Variants in RNF115 observed in about 807,000 individuals in gnomAD.
The protein encoded by RNF115 is ring finger protein 115, also known as E3 ubiquitin-protein ligase RNF115.
Under a neutral mutation model 39.2 loss-of-function variants are expected in RNF115, and 31 were observed. The observed-to-expected ratio is 0.79, with a 90% CI of 0.59 to 1.07. The LOEUF (loss-of-function observed/expected upper bound fraction) is 1.07. Ranked by LOEUF, RNF115 falls within the 50% of genes least tolerant of loss-of-function variation. The probability of loss-of-function intolerance (pLI) is 0.00; values close to 1 mark genes in which losing one functional copy is unlikely to be tolerated. For missense variants in RNF115, 384 were observed against 381.7 expected (o/e 1.01, Z -0.05); for synonymous variants, 124 against 131.0 (o/e 0.95, Z 0.37).
chr1:145,768,361 G>C (rs1289174219), intron 4 of RNF115, among the ~76,000 whole-genome samples: 2 of 152,226 alleles, frequency 1.3e-5, no homozygotes, highest in African/African-American at 4.8e-5. Context: ...TGTCGCCCAG[G>C]CTGGAGTACA....
At chr1:145,811,991 G>C (rs1483476696) in intron 1 of RNF115, among the ~76,000 whole-genome samples, 2 of 135,194 alleles carry the variant, frequency 1.5e-5, no homozygotes, top group Admixed American at 7.8e-5. Flanking sequence ...TTTCACTAAA[G>C]AGAGTATTTC....
intron 6 of RNF115, among the ~76,000 whole-genome samples, chr1:145,751,028 G>A (rs1553712402): frequency 6.6e-6 from 1 of 152,110 alleles, no homozygotes; most frequent in African/African-American, 2.4e-5. Context: ...AATTATACAT[G>A]GCATGGGAAT....
At chr1:145,767,229 G>A (rs1287408348) in intron 4 of RNF115, among the ~76,000 whole-genome samples, 4 of 148,824 alleles carry the variant, frequency 2.7e-5, no homozygotes, top group East Asian at 2.0e-4. Flanking sequence ...GGTGGCTGCC[G>A]GGCGGAGGGG....
At chr1:145,764,027 C>A (rs1658642603) in intron 4 of RNF115, among the ~76,000 whole-genome samples, 1 of 152,126 alleles carries the variant, frequency 6.6e-6, no homozygotes, top group Admixed American at 6.5e-5. Flanking sequence ...GATTCTCCTG[C>A]CTCAGCCTGC....
rs781789584 is a variant in RNF115, at chr1:145,744,302, T to A, written c.*2564A>T. On this transcript the variant is annotated 3_prime_UTR_variant, in exon 9 of 9. Coordinates refer to ENST00000582693, the MANE Select transcript of RNF115 (RefSeq NM_014455.4). ...CTAAGTAGTGGCCAAATATTCATAA[T>A]ACACCTCTAATTTCCTTCCATCCTC... is the stretch of plus-strand genomic sequence containing the variant. 6.6e-6 allele frequency: 1 copy of A among 152,318 alleles called. No homozygotes were observed. The highest frequency in any genetic ancestry group is 1.5e-5 in the Non-Finnish European group (1 of 68,054). 9.4% of individuals were successfully genotyped at this position (152,318 alleles called of 1,614,324 possible).
At chr1:145,761,218 AT>A in intron 4 of RNF115, among the ~76,000 whole-genome samples, 1 of 152,344 alleles carries the variant, frequency 6.6e-6, no homozygotes, top group South Asian at 2.1e-4. Context: ...AGAAAAACCC[AT>A]TTTTTGAGGG....
chr1:145,786,139 A>T (rs995516163), intron 2 of RNF115, among the ~76,000 whole-genome samples: 1 of 152,202 alleles, frequency 6.6e-6, no homozygotes, highest in Admixed American at 6.5e-5. Context: ...AAATTCCTTT[A>T]AAGAATAATA....
intron 2 of RNF115, among the ~76,000 whole-genome samples, chr1:145,785,740 C>G (rs1004189816): frequency 6.6e-6 from 1 of 152,188 alleles, no homozygotes; most frequent in Non-Finnish European, 1.5e-5. Flanking sequence ...CCTAGTTAGT[C>G]TGAAACCAAA....
intron 3 of RNF115, among the ~76,000 whole-genome samples, chr1:145,775,217 T>C (rs1647827320): frequency 1.3e-5 from 2 of 152,190 alleles, no homozygotes; most frequent in African/African-American, 2.4e-5. Flanking sequence ...CAGTGAGCTA[T>C]ACAGAACCCT....
intron 1 of RNF115, among the ~76,000 whole-genome samples, chr1:145,816,121 A>G (rs1248642889): frequency 9.8e-5 from 3 of 30,676 alleles, no homozygotes; most frequent in Non-Finnish European, 1.5e-4. Flanking sequence ...GTGCAATGGC[A>G]CGATCTCAGC....
At chr1:145,776,490 A>G (rs964496407) in intron 3 of RNF115, among the ~76,000 whole-genome samples, 1 of 152,050 alleles carries the variant, frequency 6.6e-6, no homozygotes, top group South Asian at 2.1e-4. Flanking sequence ...AAAGTTTTAA[A>G]AATTCTAATA....
At chr1:145,803,022 C>G (rs1015801918) in intron 1 of RNF115, among the ~76,000 whole-genome samples, 4 of 152,196 alleles carry the variant, frequency 2.6e-5, no homozygotes, top group Non-Finnish European at 5.9e-5. Context: ...TCCTCAAGGT[C>G]TCTGTGAAAA....
At chr1:145,764,975 A>G (rs1259100743) in intron 4 of RNF115, among the ~76,000 whole-genome samples, 6 of 152,248 alleles carry the variant, frequency 3.9e-5, no homozygotes, top group Non-Finnish European at 7.3e-5. Context: ...TTTGTGGAAC[A>G]GAGAAGGGGG....
At chr1:145,797,527 T>C (rs587717375) in intron 1 of RNF115, among the ~76,000 whole-genome samples, 45 of 152,250 alleles carry the variant, frequency 3.0e-4, no homozygotes, top group Non-Finnish European at 5.0e-4. Context: ...ATTGTGTGTA[T>C]ATACCATATT....
chr1:145,798,366 C>T (rs1288520252), intron 1 of RNF115, among the ~76,000 whole-genome samples: 1 of 151,988 alleles, frequency 6.6e-6, no homozygotes, highest in South Asian at 2.1e-4. Flanking sequence ...AAATATGAGT[C>T]CAAATTTTTG....
chr1:145,801,530 T>C (rs72704203), intron 1 of RNF115, among the ~76,000 whole-genome samples: 1,603 of 151,718 alleles, frequency 0.011, 17 homozygotes, highest in Non-Finnish European at 0.018. Context: ...TGAGACTCCA[T>C]GTCAAAAAAA....
intron 1 of RNF115, among the ~76,000 whole-genome samples, chr1:145,793,437 C>A (rs1648772843): frequency 6.6e-6 from 1 of 152,118 alleles, no homozygotes; most frequent in Non-Finnish European, 1.5e-5. Context: ...ATTCAAAAAA[C>A]AGAGTCAATA....
chr1:145,787,247 C>T (rs181562778), intron 2 of RNF115, among the ~76,000 whole-genome samples: 1 of 152,268 alleles, frequency 6.6e-6, no homozygotes, highest in African/African-American at 2.4e-5. Context: ...CCAAAAGAGG[C>T]CATCCTATCA....
chr1:145,784,618 G>A, intron 2 of RNF115, 22 bp from the exon 3 acceptor site: 2 of 1,609,762 alleles, frequency 1.2e-6, no homozygotes, highest in Non-Finnish European at 1.7e-6. Flanking sequence ...AGGAATGAGT[G>A]GTGATTCTAT....
Sources: gnomAD v4.1 joint callset for allele counts (sites outside exome capture counted in the v4.1 genomes callset) on GRCh38, gnomAD v4.1.1 for gene constraint, MANE v1.5 for transcripts, NCBI Gene and HGNC (gene_info 2026-07-23, HGNC 2026-07-21) for gene names.